ALCAM: variants seen among roughly 807,000 people sequenced by gnomAD.
The protein encoded by ALCAM is CD166 antigen.
Under a neutral mutation model 70.9 loss-of-function variants are expected in ALCAM, and 30 were observed. That is an observed-to-expected ratio of 0.42 (90% CI 0.32 to 0.57). ALCAM has a LOEUF of 0.57. ALCAM is among the 20% of genes least tolerant of loss of function. The pLI, the probability that ALCAM is intolerant of heterozygous loss-of-function variation, is 0.11. For missense variants in ALCAM, 591 were observed against 695.1 expected (o/e 0.85, Z 1.68); for synonymous variants, 249 against 242.5 (o/e 1.03, Z -0.25).
intron 1 of ALCAM, among the ~76,000 whole-genome samples, chr3:105,434,619 G>A (rs1937010371): frequency 6.6e-6 from 1 of 151,902 alleles, no homozygotes; most frequent in South Asian, 2.1e-4. Flanking sequence ...GTAATTCATA[G>A]ACCTGTTCTT....
chr3:105,462,531 A>G (rs1450160185), intron 1 of ALCAM, among the ~76,000 whole-genome samples: 1 of 151,518 alleles, frequency 6.6e-6, no homozygotes, highest in Non-Finnish European at 1.5e-5. Flanking sequence ...ATTGAAGTAC[A>G]TTATGTATCA....
At chr3:105,544,342 T>C (rs1321695382) in intron 8 of ALCAM, among the ~76,000 whole-genome samples, 1 of 151,622 alleles carries the variant, frequency 6.6e-6, no homozygotes, top group Non-Finnish European at 1.5e-5. Flanking sequence ...GCCACGAACA[T>C]ATAGTGTTCC....
chr3:105,521,024 G>A (rs1939522102), intron 2 of ALCAM, among the ~76,000 whole-genome samples: 1 of 152,106 alleles, frequency 6.6e-6, no homozygotes, highest in Admixed American at 6.5e-5. Flanking sequence ...TATTGCGGCC[G>A]GGCGCGGTGG....
intron 1 of ALCAM, among the ~76,000 whole-genome samples, chr3:105,459,383 C>T (rs767501204): frequency 1.3e-5 from 2 of 151,902 alleles, no homozygotes; most frequent in Admixed American, 6.6e-5. Flanking sequence ...TTTTTGTGTC[C>T]TTGCATTATT....
chr3:105,415,968 C>A (rs1936497188), intron 1 of ALCAM, among the ~76,000 whole-genome samples: 1 of 151,988 alleles, frequency 6.6e-6, no homozygotes, highest in South Asian at 2.1e-4. Flanking sequence ...TTTAAGGCAA[C>A]CAGGTATGAC....
intron 3 of ALCAM, chr3:105,524,977 G>T (rs1939658933): frequency 6.1e-6 from 6 of 980,214 alleles, no homozygotes; most frequent in South Asian, 4.7e-5. Context: ...TTTAACAGAG[G>T]TATAAATTTT....
chr3:105,484,017 G>A (rs940417067), intron 1 of ALCAM, among the ~76,000 whole-genome samples: 1 of 151,888 alleles, frequency 6.6e-6, no homozygotes, highest in Non-Finnish European at 1.5e-5. Context: ...TAAAAATGAA[G>A]ATATTTGATA....
intron 1 of ALCAM, among the ~76,000 whole-genome samples, chr3:105,377,383 G>A (rs1360271734): frequency 1.3e-5 from 2 of 152,026 alleles, no homozygotes; most frequent in South Asian, 4.1e-4. Context: ...CTGAGTCAAC[G>A]ATGTGTTTTT....
chr3:105,550,429 T>G lies in ALCAM; in HGVS notation c.1507+170T>G, dbSNP rs140694660. 2.4e-3 allele frequency among the ~76,000 whole-genome samples: 366 copies of G among 151,684 alleles called. 7 individuals are homozygous for G. The highest frequency in any genetic ancestry group is 8.5e-3 in the African/African-American group (352 of 41,496). On this transcript the variant is annotated intron_variant, in intron 12 of 15. Transcript: ENST00000306107. ...TTATTTTTTCTTTTTTCCTGTCCAT[T>G]CTTGTACTATCCTTGTCTTGACAGT...
At chr3:105,470,971 A>G (rs16844723) in intron 1 of ALCAM, among the ~76,000 whole-genome samples, 28,244 of 151,184 alleles carry the variant, frequency 0.19, 2,820 homozygotes, top group East Asian at 0.37. Flanking sequence ...GTTAGGGTAT[A>G]CTTTTTTAAA....
At chr3:105,529,666 C>T (rs1939791345) in intron 3 of ALCAM, among the ~76,000 whole-genome samples, 1 of 152,052 alleles carries the variant, frequency 6.6e-6, no homozygotes, top group East Asian at 1.9e-4. Flanking sequence ...TTTAAACATC[C>T]TTTCATCAGG....
In ALCAM at chr3:105,531,904, C is replaced by T. The variant is rs1366102472; in HGVS notation, c.395-98C>T. On this transcript the variant is annotated intron_variant, in intron 3 of 15. Coordinates refer to ENST00000306107, the MANE Select transcript of ALCAM (RefSeq NM_001627.4). ...TATTTTTATTCTGTTGCTTATTCTT[C>T]TGTATTGAGTAAATGAATTGTTTTT... 35 of 953,990 alleles carry T rather than the reference C, an allele frequency of 3.7e-5. 1 individual carries two copies. The Admixed American group carries it at 6.0e-4, about 16-fold the overall frequency. 59.1% of individuals were successfully genotyped at this position (953,990 alleles called of 1,614,324 possible).
At chr3:105,534,961 C>A in intron 6 of ALCAM, 116 bp downstream of exon 6, 2 of 1,004,392 alleles carry the variant, frequency 2.0e-6, no homozygotes, top group Non-Finnish European at 2.9e-6. Flanking sequence ...CAGTCTGCAC[C>A]CCAAATTGAT....
chr3:105,510,871 T>G (rs1939217593), intron 1 of ALCAM, among the ~76,000 whole-genome samples: 1 of 152,026 alleles, frequency 6.6e-6, no homozygotes, highest in Non-Finnish European at 1.5e-5. Context: ...TATAAGACAT[T>G]AAAAAACTAC....
At chr3:105,376,571 C>T (rs369223587) in intron 1 of ALCAM, among the ~76,000 whole-genome samples, 6 of 152,304 alleles carry the variant, frequency 3.9e-5, no homozygotes, top group African/African-American at 1.2e-4. Context: ...ACTATACATT[C>T]AAGATCCTAT....
At chr3:105,451,407 C>T (rs1937424847) in intron 1 of ALCAM, among the ~76,000 whole-genome samples, 1 of 151,952 alleles carries the variant, frequency 6.6e-6, no homozygotes. Flanking sequence ...AATAAGCTGT[C>T]CTGTTAAAGC....
chr3:105,441,890 G>A (rs1375963719), intron 1 of ALCAM, among the ~76,000 whole-genome samples: 1 of 152,152 alleles, frequency 6.6e-6, no homozygotes, highest in Non-Finnish European at 1.5e-5. Context: ...TTTTCAAAGA[G>A]TTACCCTGAG....
Position 105,367,107 on chromosome 3 carries a change from C to A in ALCAM, c.-302C>A. On this transcript the variant is annotated 5_prime_UTR_variant, in exon 1 of 16. Transcript: ENST00000306107. ...ATACCAGCGAAAAGAACCGCTTACA[C>A]CTTTCCGAATTACTCAAGTGTCTCC... 2.6e-6 allele frequency: 1 copy of A among 389,332 alleles called. No homozygotes were observed. Among genetic ancestry groups the A allele is most frequent in the Non-Finnish European group, 4.8e-6 (1 of 208,120 alleles). The allele number at this position is 389,332 out of a possible 1,614,324, so 24.1% of individuals were successfully genotyped here.
intron 7 of ALCAM, among the ~76,000 whole-genome samples, chr3:105,540,554 G>A (rs1337145780): frequency 1.3e-5 from 2 of 151,886 alleles, no homozygotes; most frequent in African/African-American, 2.4e-5. Flanking sequence ...TGGTCATTAT[G>A]TATAATCTTG....
Sources: allele counts gnomAD v4.1 joint callset (sites outside exome capture counted in the v4.1 genomes callset), GRCh38; gene constraint gnomAD v4.1.1; transcripts MANE v1.5; gene names NCBI Gene and HGNC (gene_info 2026-07-23, HGNC 2026-07-21).